The following SIGLEC8 variants were observed in gnomAD, a reference collection of about 807,000 sequenced individuals.
The protein encoded by SIGLEC8 is sialic acid binding Ig like lectin 8.
A neutral mutation model predicts 42.1 loss-of-function variants in SIGLEC8; 32 were observed. The ratio of observed to expected loss-of-function variants is 0.76; its 90% confidence interval spans 0.57 to 1.02. The LOEUF (loss-of-function observed/expected upper bound fraction) is 1.02. SIGLEC8 is among the 50% of genes least tolerant of loss of function. The pLI, the probability that SIGLEC8 is intolerant of heterozygous loss-of-function variation, is 0.00. For missense variants in SIGLEC8, 611 were observed against 610.2 expected, an observed-to-expected ratio of 1.00 and a Z score of -0.01; for synonymous variants, 262 against 260.3, an observed-to-expected ratio of 1.01 and a Z score of -0.06.
Position 51,457,503 on chromosome 19 carries a change from TC to T in SIGLEC8, c.690del (p.Thr231GlnfsTer3), listed in dbSNP as rs771230203. On this transcript the variant is annotated frameshift_variant, in exon 2 of 7. Transcript: ENST00000321424. LOFTEE classifies it high-confidence loss of function. Reference protein sequence around the residue: ...TSLTCQVTLPGTGVTTTSTVR... With the variant: ...TSLTCQVTLPXTGVTTTSTVR... ...ACGGTACTGGTCGTGGTCACACCTG[TC>T]CCAGGCAAGGTCACCTGACAGGTGA... 3 of 1,613,768 alleles carry T rather than the reference TC, an allele frequency of 1.9e-6. No individual in the cohort carries two copies. Among genetic ancestry groups the T allele is most frequent in the Middle Eastern group, 1.7e-4 (1 of 5,898 alleles).
chr19:51,454,912 G>A lies in SIGLEC8; in HGVS notation c.1052-132C>T, dbSNP rs1191883488. 3.1e-6 allele frequency: 2 copies of A among 652,390 alleles called. No homozygotes were observed. The highest frequency in any genetic ancestry group is 5.6e-5 in the East Asian group (2 of 35,882). 40.4% of individuals were successfully genotyped at this position (652,390 alleles called of 1,614,324 possible). Reference sequence around the variant, plus strand: ...CCCAGACACAGAATACGAATGGGAGGGAGGAAAGGAGACTACTTCTGAGGC... The same window carrying A: ...CCCAGACACAGAATACGAATGGGAGAGAGGAAAGGAGACTACTTCTGAGGC... On this transcript the variant is annotated intron_variant, in intron 4 of 6. Transcript: ENST00000321424. This position sits in a 1 kb window ranked among gnomAD's most constrained non-coding sequence, Gnocchi z 4.7.
In SIGLEC8 at chr19:51,452,442, T is replaced by G; in HGVS notation, c.1437A>C (p.Glu479Asp). 6.2e-7 allele frequency: 1 copy of G among 1,612,982 alleles called. No individual in the cohort carries two copies. Among genetic ancestry groups the G allele is most frequent in the East Asian group, 2.2e-5 (1 of 44,850 alleles). The change falls in exon 7 of 7, where the codon GAA becomes GAC. Residue 479 changes from glutamate (E) to aspartate (D), a missense_variant. Coordinates refer to ENST00000321424, the MANE Select transcript of SIGLEC8 (RefSeq NM_014442.3). ...TCAAACAGGCCTGAGTCTCTGCAGT[T>G]TCTCGCTTGTGGATCTTGATCTCCG... ...EYSEIKIHKR[E>D]TAETQACLRN...
At position 51,451,178 on chromosome 19, in the gene SIGLEC8, A is replaced by G. The variant is rs1989357613; in HGVS notation, c.*1201T>C. ...CAGATCTCGTGATAACTCACTCACTATCAGAACAGCATGGGGGAACCACCC... is the reference window on the plus strand; with the variant it reads ...CAGATCTCGTGATAACTCACTCACTGTCAGAACAGCATGGGGGAACCACCC... On this transcript the variant is annotated 3_prime_UTR_variant, in exon 7 of 7. Transcript: ENST00000321424. 1.3e-5 allele frequency: 2 copies of G among 152,096 alleles called. No individual in the cohort carries two copies. Among genetic ancestry groups the G allele is most frequent in the Admixed American group, 6.5e-5 (1 of 15,270 alleles). The allele number at this position is 152,096 out of a possible 1,614,324, so 9.4% of individuals were successfully genotyped here.
In SIGLEC8 at chr19:51,457,556, G is replaced by A; in HGVS notation, c.638C>T (p.Pro213Leu). The A allele has an allele frequency of 6.2e-7, 1 of 1,614,030 alleles. No individual in the cohort carries two copies. Among genetic ancestry groups the A allele is most frequent in the Non-Finnish European group, 8.5e-7 (1 of 1,179,986 alleles). The change falls in exon 2 of 7, where the codon CCA becomes CTA. Residue 213 changes from proline to leucine, a missense_variant. Coordinates refer to ENST00000321424, the MANE Select transcript of SIGLEC8 (RefSeq NM_014442.3). Reference sequence around the variant, plus strand: ...GCTGGTGCCGTGGTCCTGGGGCTTTGGGGTAAGGGTGAGCACTGAGGAGCG... The same window carrying A: ...GCTGGTGCCGTGGTCCTGGGGCTTTAGGGTAAGGGTGAGCACTGAGGAGCG... Reference protein sequence around the residue: ...TARSSVLTLTPKPQDHGTSLT... With the variant: ...TARSSVLTLTLKPQDHGTSLT...
In SIGLEC8 at chr19:51,454,167, G is replaced by T. The variant is rs892126938; in HGVS notation, c.1245+52C>A. The T allele has an allele frequency of 9.9e-6, 16 of 1,611,958 alleles. No individual in the cohort carries two copies. Among genetic ancestry groups the T allele is most frequent in the Non-Finnish European group, 1.4e-5 (16 of 1,178,904 alleles). ...AGAGAGCGATCCTGGGGGCCATCCT[G>T]TCAGAGGTGTCCAGGCTGGATGCTC... is the stretch of plus-strand genomic sequence containing the variant. On this transcript the variant is annotated intron_variant, in intron 6 of 6. Transcript: ENST00000321424. The surrounding 1 kb of genome is among the most constrained non-coding windows in gnomAD (Gnocchi z 4.7).
In SIGLEC8 at chr19:51,454,837, C is replaced by T; in HGVS notation, c.1052-57G>A. ...TATATCACGGAGAAGTGGGTCTCTT[C>T]CCCTCCCACTGTCTGCAGGGCCCTA... On this transcript the variant is annotated intron_variant, in intron 4 of 6. Coordinates refer to ENST00000321424, the MANE Select transcript of SIGLEC8 (RefSeq NM_014442.3). This position sits in a 1 kb window ranked among gnomAD's most constrained non-coding sequence, Gnocchi z 4.7. The T allele has an allele frequency of 7.9e-7, 1 of 1,263,976 alleles. No homozygotes were observed. The highest frequency in any genetic ancestry group is 1.2e-6 in the Non-Finnish European group (1 of 862,426). 78.3% of individuals were successfully genotyped at this position (1,263,976 alleles called of 1,614,324 possible). A position where few individuals can be genotyped will look rare whatever the true frequency, so the allele number is the denominator to read the frequency against.
At position 51,455,567 on chromosome 19, in the gene SIGLEC8, G is replaced by A; in HGVS notation, c.902C>T (p.Thr301Ile). The change falls in exon 4 of 7, where the codon ACC becomes ATC. Residue 301 changes from threonine to isoleucine, a missense_variant. Thr to Ile is a moderately conservative substitution (Grantham distance 89, BLOSUM62 -1). Transcript: ENST00000321424. Reference sequence around the variant, plus strand: ...GTTTGAGGACCGTGAGGGGCACAGGGTCAGGCTCCCCCGGGTCCAGCTCAG... The same window carrying A: ...GTTTGAGGACCGTGAGGGGCACAGGATCAGGCTCCCCCGGGTCCAGCTCAG... ...ARLSWTRGSL[T>I]LCPSRSSNPG... 5.6e-6 allele frequency: 9 copies of A among 1,614,102 alleles called. No homozygotes were observed. Among genetic ancestry groups the A allele is most frequent in the Non-Finnish European group, 6.8e-6 (8 of 1,179,984 alleles).
Position 51,451,567 on chromosome 19 carries a change from G to C in SIGLEC8, c.*812C>G, listed in dbSNP as rs1989365387. ...TGACTCAGTGCTAGATGAGAGAAGA[G>C]ACCTCAGAATCGGACAGGCTTTAAA... On this transcript the variant is annotated 3_prime_UTR_variant, in exon 7 of 7. Transcript: ENST00000321424. 6.6e-6 allele frequency: 1 copy of C among 152,150 alleles called. No homozygotes were observed. The highest frequency in any genetic ancestry group is 1.5e-5 in the Non-Finnish European group (1 of 68,030). 9.4% of individuals were successfully genotyped at this position (152,150 alleles called of 1,614,324 possible).
At chr19:51,457,257 AC>A in intron 2 of SIGLEC8, 26 bp from the exon 3 acceptor site, 1 of 1,607,574 alleles carries the variant, frequency 6.2e-7, no homozygotes, top group Non-Finnish European at 8.5e-7. Context: ...ATGAAGACCC[AC>A]ATTACTATAA....
In SIGLEC8 at chr19:51,452,241, G is replaced by C; in HGVS notation, c.*138C>G. 1.6e-6 allele frequency: 1 copy of C among 633,368 alleles called. No individual in the cohort carries two copies. The highest frequency in any genetic ancestry group is 2.4e-5 in the South Asian group (1 of 41,724). 39.2% of individuals were successfully genotyped at this position (633,368 alleles called of 1,614,324 possible). A position where few individuals can be genotyped will look rare whatever the true frequency, so the allele number is the denominator to read the frequency against. On this transcript the variant is annotated 3_prime_UTR_variant, in exon 7 of 7. Transcript: ENST00000321424. The stretch of plus-strand genomic sequence containing the variant: ...GTCGAGAGGAGAATGGTGGGTAGTA[G>C]AAGCTAGAGGCAGGGATGGGTCCCT...
chr19:51,456,977 G>A (rs1989509257), intron 3 of SIGLEC8, among the ~76,000 whole-genome samples: 1 of 152,198 alleles, frequency 6.6e-6, no homozygotes, highest in African/African-American at 2.4e-5. Flanking sequence ...AGGAAGGGGT[G>A]TGTGGAGGAG....
chr19:51,457,184 C>G lies in SIGLEC8; in HGVS notation c.781G>C (p.Ala261Pro). The G allele has an allele frequency of 6.2e-7, 1 of 1,613,850 alleles. No individual in the cohort carries two copies. Among genetic ancestry groups the G allele is most frequent in the Non-Finnish European group, 8.5e-7 (1 of 1,179,840 alleles). Reference sequence around the variant, plus strand: ...CCCCAGGGAGGGGGCTCTGTCCTACCTGTGGCATCTCCTTGGAAGACAGTC... The same window carrying G: ...CCCCAGGGAGGGGGCTCTGTCCTACGTGTGGCATCTCCTTGGAAGACAGTC... The part of the protein sequence containing the change: ...TMTVFQGDAT[A>P]STALGNGSSL... Residue 261 changes from alanine to proline, a missense_variant and splice_region_variant, in exon 3 of 7, where the codon GCA becomes CCA. Physicochemically the swap from Ala to Pro is conservative, Grantham distance 27. Coordinates refer to ENST00000321424, the MANE Select transcript of SIGLEC8 (RefSeq NM_014442.3).
Position 51,455,484 on chromosome 19 carries a change from G to C in SIGLEC8, c.985C>G (p.Arg329Gly). The C allele has an allele frequency of 3.1e-6, 5 of 1,614,146 alleles. No homozygotes were observed. The highest frequency in any genetic ancestry group is 4.2e-6 in the Non-Finnish European group (5 of 1,179,988). Residue 329 changes from arginine to glycine, a missense_variant, in exon 4 of 7, where the codon CGA becomes GGA. Coordinates refer to ENST00000321424, the MANE Select transcript of SIGLEC8 (RefSeq NM_014442.3). ...HVRDEGEFTCRAQNAQGSQHI... is the reference protein window; with the variant it reads ...HVRDEGEFTCGAQNAQGSQHI... ...TGGGAGCCCTGAGCGTTCTGAGCTC[G>C]GCAGGTGAATTCCCCTTCATCCCTC... is the stretch of plus-strand genomic sequence containing the variant.
At chr19:51,453,761 G>C in intron 6 of SIGLEC8, 2 of 984,760 alleles carry the variant, frequency 2.0e-6, no homozygotes, top group East Asian at 1.1e-4. Flanking sequence ...CAAAACGAGA[G>C]TAAATGAGAG....
intron 4 of SIGLEC8, among the ~76,000 whole-genome samples, chr19:51,455,212 C>G (rs1989460340): frequency 6.6e-6 from 1 of 152,158 alleles, no homozygotes; most frequent in African/African-American, 2.4e-5. Context: ...AGCTCCTCCC[C>G]TCCAAGACCC....
In SIGLEC8 at chr19:51,454,598, G is replaced by C; in HGVS notation, c.1148+86C>G. ...TTGCCCCAAGCCCTGGACCCATCCA[G>C]GTCCTTCCAGCTCTGGCTTCAGGGA... On this transcript the variant is annotated intron_variant, in intron 5 of 6. Coordinates refer to ENST00000321424, the MANE Select transcript of SIGLEC8 (RefSeq NM_014442.3). This position sits in a 1 kb window ranked among gnomAD's most constrained non-coding sequence, Gnocchi z 4.7. 8.0e-7 allele frequency: 1 copy of C among 1,244,446 alleles called. No individual in the cohort carries two copies. 77.1% of individuals were successfully genotyped at this position (1,244,446 alleles called of 1,614,324 possible). A position where few individuals can be genotyped will look rare whatever the true frequency, so the allele number is the denominator to read the frequency against.
intron 6 of SIGLEC8, among the ~76,000 whole-genome samples, chr19:51,452,894 G>A (rs944368445): frequency 5.9e-5 from 9 of 152,054 alleles, no homozygotes; most frequent in African/African-American, 9.7e-5. Flanking sequence ...AACTGAGGTC[G>A]AAACAGTCAG....
rs1188057811 is a variant in SIGLEC8 at position 51,454,794 on chromosome 19, G to C, written c.1052-14C>G. ...GTCTTGAGGTGCCTGCAGATGGATT[G>C]GAGTTGCTTTGGGGATTTATATCAC... On this transcript the variant is annotated splice_polypyrimidine_tract_variant and intron_variant, in intron 4 of 6. Transcript: ENST00000321424. This position sits in a 1 kb window ranked among gnomAD's most constrained non-coding sequence, Gnocchi z 4.7. 2 of 1,605,342 alleles carry C rather than the reference G, an allele frequency of 1.2e-6. No homozygotes were observed. The highest frequency in any genetic ancestry group is 8.5e-7 in the Non-Finnish European group (1 of 1,172,356).
chr19:51,457,268 A>T, intron 2 of SIGLEC8, 37 bp from the exon 3 acceptor site: 1 of 1,592,038 alleles, frequency 6.3e-7, no homozygotes, highest in Non-Finnish European at 8.6e-7. Flanking sequence ...CATTACTATA[A>T]GGACTGGGGA....
Sources: allele counts gnomAD v4.1 joint callset (sites outside exome capture counted in the v4.1 genomes callset), GRCh38; gene constraint gnomAD v4.1.1; non-coding constraint Gnocchi (gnomAD v3.1); transcripts MANE v1.5; gene names NCBI Gene and HGNC (gene_info 2026-07-23, HGNC 2026-07-21).